Variants in MYT1L observed in about 807,000 individuals in gnomAD.
MYT1L encodes the protein myelin transcription factor 1 like.
In MYT1L, 12 loss-of-function variants were observed where a neutral mutation model predicts 126.7. That is an observed-to-expected ratio of 0.09 (90% CI 0.06 to 0.15). The LOEUF (loss-of-function observed/expected upper bound fraction) is 0.15. MYT1L is among the 10% of genes least tolerant of loss of function. The pLI is 1.00. For synonymous variants in MYT1L, 541 were observed against 604.2 expected (o/e 0.90, Z 1.53); for missense variants, 979 against 1,585.2 (o/e 0.62, Z 6.49).
chr2:1,920,609 A>G lies in MYT1L; in HGVS notation c.1483+1677T>C, dbSNP rs535012492. ...TGGGAGTCTAAAACATAAGCCTAAA[A>G]TATATTTGTCCAACTGAGCAATCAC... On this transcript the variant is annotated intron_variant, in intron 10 of 24. Coordinates refer to ENST00000647738, the MANE Select transcript of MYT1L (RefSeq NM_001303052.2). Among the ~76,000 whole-genome samples the G allele has an allele frequency of 2.0e-5, 3 of 152,294 alleles. No individual in the cohort carries two copies. The South Asian group carries it at 6.2e-4, about 32-fold the overall frequency.
chr2:1,943,671 T>C lies in MYT1L; in HGVS notation c.153-337A>G, dbSNP rs563654893. On this transcript the variant is annotated intron_variant, in intron 8 of 24. Coordinates refer to ENST00000647738, the MANE Select transcript of MYT1L (RefSeq NM_001303052.2). The surrounding 1 kb of genome is among the most constrained non-coding windows in gnomAD (Gnocchi z 4.4). ...AATGTGTATAACATGTAATTGACAA[T>C]ACAAATTTATGAAACATTTTACCAA... Among the ~76,000 whole-genome samples the C allele has an allele frequency of 4.7e-4, 71 of 152,300 alleles. No homozygotes were observed. Among genetic ancestry groups the C allele is most frequent in the Admixed American group, 9.2e-4 (14 of 15,298 alleles).
At chr2:1,894,976 C>T (rs1034878699) in intron 14 of MYT1L, among the ~76,000 whole-genome samples, 1 of 152,202 alleles carries the variant, frequency 6.6e-6, no homozygotes, top group Admixed American at 6.5e-5. Context: ...CAAAGAGCCT[C>T]GACTGCCATC....
rs183699045 is a variant in MYT1L at position 2,243,782 on chromosome 2, G to C, written c.-421+40622C>G. Among the ~76,000 whole-genome samples the C allele has an allele frequency of 3.3e-5, 5 of 152,294 alleles. No homozygotes were observed. In the East Asian group the frequency reaches 9.6e-4, roughly 29 times the overall value. On this transcript the variant is annotated intron_variant, in intron 2 of 24. Transcript: ENST00000647738. The stretch of plus-strand genomic sequence containing the variant: ...TCTGGTGGGAGCTGCGAGCAAAGTA[G>C]TGGAGTCACTTTTGGCATCTGATTG...
At chr2:1,896,032 T>A (rs1383208813) in intron 14 of MYT1L, among the ~76,000 whole-genome samples, 1 of 152,040 alleles carries the variant, frequency 6.6e-6, no homozygotes, top group Non-Finnish European at 1.5e-5. Flanking sequence ...GCAAAGAACA[T>A]GAACAGACAC....
At chr2:1,860,928 G>A (rs540033917) in intron 18 of MYT1L, among the ~76,000 whole-genome samples, 3 of 152,068 alleles carry the variant, frequency 2.0e-5, no homozygotes, top group African/African-American at 7.2e-5. Context: ...GACTAAGACG[G>A]AGGATCCAGC....
At chr2:2,259,243 G>A (rs1258712373) in intron 2 of MYT1L, among the ~76,000 whole-genome samples, 3 of 103,472 alleles carry the variant, frequency 2.9e-5, no homozygotes, top group East Asian at 3.0e-4. Flanking sequence ...GGGGACTGTG[G>A]TGGGGTCGGG....
At chr2:1,924,819 A>G (rs891421153) in intron 9 of MYT1L, among the ~76,000 whole-genome samples, 7 of 152,226 alleles carry the variant, frequency 4.6e-5, no homozygotes, top group South Asian at 2.1e-4. Flanking sequence ...AAAGAAAATC[A>G]AACTAGTGAA....
intron 3 of MYT1L, among the ~76,000 whole-genome samples, chr2:2,170,657 G>A (rs2089909034): frequency 6.6e-6 from 1 of 152,140 alleles, no homozygotes; most frequent in African/African-American, 2.4e-5. Context: ...TCTATGTACT[G>A]TTTTACATAT....
chr2:1,900,526 C>T (rs1187768783), intron 14 of MYT1L, among the ~76,000 whole-genome samples: 1 of 152,128 alleles, frequency 6.6e-6, no homozygotes, highest in South Asian at 2.1e-4. Flanking sequence ...GTCTTGATCT[C>T]CTGACCTCGT....
intron 3 of MYT1L, among the ~76,000 whole-genome samples, chr2:2,085,539 C>T (rs905475458): frequency 6.6e-6 from 1 of 152,118 alleles, no homozygotes; most frequent in African/African-American, 2.4e-5. Context: ...GGGATACCTC[C>T]CAAAGGCTTG....
chr2:2,252,112 G>A (rs892462151), intron 2 of MYT1L, among the ~76,000 whole-genome samples: 1 of 152,050 alleles, frequency 6.6e-6, no homozygotes, highest in Non-Finnish European at 1.5e-5. Context: ...CCTCTCAAGT[G>A]TTCCAGTGGT....
intron 21 of MYT1L, chr2:1,824,295 G>T (rs1191820052): frequency 6.6e-6 from 1 of 152,216 alleles, no homozygotes; most frequent in Non-Finnish European, 1.5e-5. Flanking sequence ...GTCTCTCTAG[G>T]GTTAGGTAAT....
At chr2:2,311,649 A>G in intron 1 of MYT1L, among the ~76,000 whole-genome samples, 1 of 152,056 alleles carries the variant, frequency 6.6e-6, no homozygotes, top group East Asian at 1.9e-4. Flanking sequence ...TCCTCCCCCC[A>G]TCTCTCTTCT....
intron 2 of MYT1L, among the ~76,000 whole-genome samples, chr2:2,257,874 C>T (rs1162198168): frequency 1.4e-5 from 2 of 147,376 alleles, no homozygotes; most frequent in Admixed American, 1.3e-4. Context: ...ACTTTCTTCA[C>T]AGAATTGGAA....
At chr2:1,977,618 C>T (rs1210431645) in intron 8 of MYT1L, among the ~76,000 whole-genome samples, 1 of 152,112 alleles carries the variant, frequency 6.6e-6, no homozygotes, top group Admixed American at 6.5e-5. Flanking sequence ...ACATTGTATG[C>T]CTGTATCAAA....
intron 3 of MYT1L, among the ~76,000 whole-genome samples, chr2:2,147,426 C>G (rs2085052273): frequency 1.3e-5 from 2 of 152,232 alleles, no homozygotes; most frequent in South Asian, 4.1e-4. Context: ...GGAGTTAGCA[C>G]TCAGGCAGGA....
At chr2:1,835,520 G>A (rs2040761217) in intron 21 of MYT1L, among the ~76,000 whole-genome samples, 2 of 152,198 alleles carry the variant, frequency 1.3e-5, no homozygotes, top group Admixed American at 1.3e-4. Context: ...CCATACACCT[G>A]AAGATGGGTG....
intron 4 of MYT1L, among the ~76,000 whole-genome samples, chr2:2,001,837 C>T (rs191957023): frequency 7.7e-4 from 117 of 152,242 alleles, no homozygotes; most frequent in Middle Eastern, 3.4e-3. Context: ...CCTGGTACCC[C>T]GGGGATTCTT....
At chr2:2,104,564 AG>A (rs1343653152) in intron 3 of MYT1L, among the ~76,000 whole-genome samples, 3 of 152,234 alleles carry the variant, frequency 2.0e-5, no homozygotes, top group Admixed American at 6.5e-5. Flanking sequence ...AGCGGCTCCA[AG>A]GCTGGCTCGC....
Sources: gnomAD v4.1 joint callset for allele counts (sites outside exome capture counted in the v4.1 genomes callset) on GRCh38, gnomAD v4.1.1 for gene constraint, Gnocchi (gnomAD v3.1) non-coding constraint, MANE v1.5 for transcripts, NCBI Gene and HGNC (gene_info 2026-07-23, HGNC 2026-07-21) for gene names.